PAX2: variants seen among roughly 807,000 people sequenced by gnomAD.
PAX2 encodes paired box protein Pax-2.
PAX2 carries 9 observed loss-of-function variants against 41.7 expected under a neutral mutation model. The ratio of observed to expected loss-of-function variants is 0.22; its 90% confidence interval spans 0.13 to 0.38. PAX2 has a LOEUF of 0.38. PAX2 is among the 10% of genes least tolerant of loss of function. The probability of loss-of-function intolerance (pLI) is 1.00; values close to 1 mark genes in which losing one functional copy is unlikely to be tolerated. For synonymous variants in PAX2, 221 were observed against 212.7 expected (o/e 1.04, Z -0.34); for missense variants, 418 against 531.6 (o/e 0.79, Z 2.10).
chr10:100,819,478 G>A (rs941884809), intron 7 of PAX2, among the ~76,000 whole-genome samples: 1 of 152,090 alleles, frequency 6.6e-6, no homozygotes, highest in Non-Finnish European at 1.5e-5. Context: ...GCTGAGGCAA[G>A]ATAATCACTT....
chr10:100,824,395 CAA>C lies in PAX2; in HGVS notation c.920-251_920-250del, dbSNP rs546305570. On this transcript the variant is annotated intron_variant, in intron 7 of 9. Coordinates refer to ENST00000355243, the MANE Select transcript of PAX2 (RefSeq NM_000278.5). The surrounding 1 kb of genome is among the most constrained non-coding windows in gnomAD (Gnocchi z 6.6). The stretch of plus-strand genomic sequence containing the variant: ...ACACACACACACACACACACACACA[CAA>C]ATACACAGAGACACAAAGAGCTACA... Among the ~76,000 whole-genome samples, 405 of 149,714 alleles carry C rather than the reference CAA, an allele frequency of 2.7e-3. 9 individuals are homozygous for C. In the East Asian group the frequency reaches 0.044, roughly 16 times the overall value.
intron 7 of PAX2, among the ~76,000 whole-genome samples, chr10:100,813,957 G>A (rs999401299): frequency 6.6e-6 from 1 of 152,156 alleles, no homozygotes; most frequent in Non-Finnish European, 1.5e-5. Flanking sequence ...GGGAAAGTTA[G>A]TAGAAGCAAT....
rs1431954343 is a variant in PAX2 at position 100,827,634 on chromosome 10, A to G, written c.*15A>G. 6.2e-7 allele frequency: 1 copy of G among 1,613,738 alleles called. No homozygotes were observed. Among genetic ancestry groups the G allele is most frequent in the East Asian group, 2.2e-5 (1 of 44,870 alleles). ...ACCGCCACTAGTTACCGCGGGGACCACATCAAGCTTCAGGCCGACAGCTTC... is the reference window on the plus strand; with the variant it reads ...ACCGCCACTAGTTACCGCGGGGACCGCATCAAGCTTCAGGCCGACAGCTTC... On this transcript the variant is annotated 3_prime_UTR_variant, in exon 10 of 10. Transcript: ENST00000355243. This position sits in a 1 kb window ranked among gnomAD's most constrained non-coding sequence, Gnocchi z 8.5.
At chr10:100,807,871 T>A (rs938972483) in intron 6 of PAX2, among the ~76,000 whole-genome samples, 9 of 152,152 alleles carry the variant, frequency 5.9e-5, no homozygotes, top group Non-Finnish European at 1.2e-4. Context: ...CTCCAACAGC[T>A]CCCAGCCACT....
At chr10:100,757,827 G>T (rs1422983720) in intron 3 of PAX2, among the ~76,000 whole-genome samples, 2 of 152,220 alleles carry the variant, frequency 1.3e-5, no homozygotes, top group African/African-American at 4.8e-5. Flanking sequence ...GGTCTCCTGA[G>T]GAAGGCTGGG....
intron 6 of PAX2, among the ~76,000 whole-genome samples, chr10:100,806,816 G>T (rs926781216): frequency 3.9e-5 from 6 of 152,184 alleles, no homozygotes; most frequent in African/African-American, 1.2e-4. Flanking sequence ...AATTAGAAAT[G>T]AGTTCTGGGT....
intron 1 of PAX2, chr10:100,749,489 C>T (rs1589811522): frequency 7.6e-7 from 1 of 1,314,402 alleles, no homozygotes; most frequent in Non-Finnish European, 9.6e-7. Flanking sequence ...TCTCTCCAGT[C>T]CCCCCTTTGC....
chr10:100,759,074 A>G (rs1041735041), intron 3 of PAX2, among the ~76,000 whole-genome samples: 5 of 152,140 alleles, frequency 3.3e-5, no homozygotes, highest in Non-Finnish European at 7.4e-5. Context: ...ATTGGAGCAC[A>G]TGGCTGAGCA....
At chr10:100,778,213 C>T (rs1760612711) in intron 3 of PAX2, among the ~76,000 whole-genome samples, 1 of 152,190 alleles carries the variant, frequency 6.6e-6, no homozygotes, top group African/African-American at 2.4e-5. Flanking sequence ...GCCATGCAGC[C>T]CAGTGTCCTT....
chr10:100,774,218 A>G (rs1846309063), intron 3 of PAX2, among the ~76,000 whole-genome samples: 1 of 152,202 alleles, frequency 6.6e-6, no homozygotes, highest in Non-Finnish European at 1.5e-5. Flanking sequence ...CAGGGCTTTC[A>G]TTCTTACTCA....
chr10:100,807,069 G>A, intron 6 of PAX2, among the ~76,000 whole-genome samples: 1 of 152,054 alleles, frequency 6.6e-6, no homozygotes, highest in East Asian at 1.9e-4. Flanking sequence ...GAGCCTGCCT[G>A]TGCCTGCCTC....
At position 100,791,080 on chromosome 10, in the gene PAX2, C is replaced by G. The variant is rs559047388; in HGVS notation, c.616+9715C>G. On this transcript the variant is annotated intron_variant, in intron 5 of 9. Transcript: ENST00000355243. This position sits in a 1 kb window ranked among gnomAD's most constrained non-coding sequence, Gnocchi z 4.5. ...GGCCTGGCCTTCCCTCCCTCCCATT[C>G]TTGGAGCCCTGTGGCCCATCCTCCA... 1.3e-5 allele frequency among the ~76,000 whole-genome samples: 2 copies of G among 152,334 alleles called. No individual in the cohort carries two copies. Among genetic ancestry groups the G allele is most frequent in the East Asian group, 3.9e-4 (2 of 5,182 alleles).
At chr10:100,759,588 T>G (rs992804837) in intron 3 of PAX2, among the ~76,000 whole-genome samples, 1 of 152,146 alleles carries the variant, frequency 6.6e-6, no homozygotes, top group African/African-American at 2.4e-5. Context: ...CTGCCTGCCC[T>G]CAGTCCTGCC....
Position 100,748,039 on chromosome 10 carries a change from C to G in PAX2, c.44-1707C>G. 1 of 984,920 alleles carries G rather than the reference C, an allele frequency of 1.0e-6. No homozygotes were observed. The highest frequency in any genetic ancestry group is 1.7e-5 in the African/African-American group (1 of 57,220). 61.0% of individuals were successfully genotyped at this position (984,920 alleles called of 1,614,324 possible). ...GGACTGGTGGGTGAGACACCGCAGCCCGAGTCGGTGCTGGCGGCCGTGGCG... is the reference window on the plus strand; with the variant it reads ...GGACTGGTGGGTGAGACACCGCAGCGCGAGTCGGTGCTGGCGGCCGTGGCG... On this transcript the variant is annotated intron_variant, in intron 1 of 9. Transcript: ENST00000355243. This position sits in a 1 kb window ranked among gnomAD's most constrained non-coding sequence, Gnocchi z 5.0.
chr10:100,786,600 G>A, intron 5 of PAX2, among the ~76,000 whole-genome samples: 1 of 152,252 alleles, frequency 6.6e-6, no homozygotes, highest in South Asian at 2.1e-4. Context: ...TACCTGGGTA[G>A]TGTGCGTGCT....
intron 7 of PAX2, among the ~76,000 whole-genome samples, chr10:100,811,619 G>A (rs1847993306): frequency 6.6e-6 from 1 of 152,240 alleles, no homozygotes; most frequent in Admixed American, 6.5e-5. Context: ...GGCCCTTAGT[G>A]TATTTGTGGA....
intron 3 of PAX2, among the ~76,000 whole-genome samples, chr10:100,753,854 A>T (rs776582167): frequency 6.6e-6 from 1 of 152,244 alleles, no homozygotes; most frequent in African/African-American, 2.4e-5. Flanking sequence ...TGTATTCTCC[A>T]CTAGCAAATC....
At position 100,791,646 on chromosome 10, in the gene PAX2, C is replaced by T. The variant is rs928959571; in HGVS notation, c.616+10281C>T. Among the ~76,000 whole-genome samples, 2 of 152,210 alleles carry T rather than the reference C, an allele frequency of 1.3e-5. No individual in the cohort carries two copies. The highest frequency in any genetic ancestry group is 2.4e-5 in the African/African-American group (1 of 41,460). Reference sequence around the variant, plus strand: ...TGACAGAGGGAGAGATGCGCGGACACACTCACACACCCTTGCTGGCTCACA... The same window carrying T: ...TGACAGAGGGAGAGATGCGCGGACATACTCACACACCCTTGCTGGCTCACA... On this transcript the variant is annotated intron_variant, in intron 5 of 9. Coordinates refer to ENST00000355243, the MANE Select transcript of PAX2 (RefSeq NM_000278.5). The surrounding 1 kb of genome is among the most constrained non-coding windows in gnomAD (Gnocchi z 4.5).
intron 3 of PAX2, among the ~76,000 whole-genome samples, chr10:100,764,136 A>ATTTTTTTTT (rs145391942): frequency 9.6e-6 from 1 of 103,746 alleles, no homozygotes; most frequent in Non-Finnish European, 1.8e-5. Flanking sequence ...CAAACATTGA[A>ATTTTTTTTT]TTTTTTTTTT....
Sources: gnomAD v4.1 joint callset for allele counts (sites outside exome capture counted in the v4.1 genomes callset) on GRCh38, gnomAD v4.1.1 for gene constraint, Gnocchi (gnomAD v3.1) non-coding constraint, MANE v1.5 for transcripts, NCBI Gene and HGNC (gene_info 2026-07-23, HGNC 2026-07-21) for gene names.